The following ATRNL1 variants were observed in gnomAD, a reference collection of about 807,000 sequenced individuals.
The protein encoded by ATRNL1 is attractin like 1.
A neutral mutation model predicts 182.7 loss-of-function variants in ATRNL1; 95 were observed. The observed-to-expected ratio is 0.52, with a 90% CI of 0.44 to 0.62. The LOEUF (loss-of-function observed/expected upper bound fraction) is 0.62. Among genes scored for constraint, ATRNL1 ranks in the 20% least tolerant of loss-of-function variants. The pLI is 0.00. For missense variants in ATRNL1, 1,471 were observed against 1,679.5 expected, an observed-to-expected ratio of 0.88 and a Z score of 2.17; for synonymous variants, 576 against 568.3, an observed-to-expected ratio of 1.01 and a Z score of -0.19.
At chr10:115,296,816 T>C (rs1853217550) in intron 15 of ATRNL1, among the ~76,000 whole-genome samples, 1 of 152,246 alleles carries the variant, frequency 6.6e-6, no homozygotes, top group African/African-American at 2.4e-5. Flanking sequence ...GCAGTAGTTA[T>C]TCATTTGGTA....
At chr10:115,627,181 C>T (rs1555024904) in intron 26 of ATRNL1, among the ~76,000 whole-genome samples, 1 of 152,114 alleles carries the variant, frequency 6.6e-6, no homozygotes, top group African/African-American at 2.4e-5. Flanking sequence ...ACCCACTAAG[C>T]AGTTGCTCCC....
chr10:115,795,784 AC>A (rs1170770306), intron 27 of ATRNL1, among the ~76,000 whole-genome samples: 1 of 152,132 alleles, frequency 6.6e-6, no homozygotes, highest in Non-Finnish European at 1.5e-5. Context: ...GTGCTAAACC[AC>A]TGGAAACCAC....
At chr10:115,286,143 T>C (rs181188233) in intron 14 of ATRNL1, 73 bp from the exon 15 acceptor site, 45 of 692,152 alleles carry the variant, frequency 6.5e-5, no homozygotes, top group Non-Finnish European at 1.1e-4. Context: ...AATACAGAAG[T>C]ACTTTGAAAT....
chr10:115,874,176 C>T (rs1464877399), intron 28 of ATRNL1, among the ~76,000 whole-genome samples: 10 of 152,092 alleles, frequency 6.6e-5, no homozygotes, highest in African/African-American at 1.2e-4. Flanking sequence ...CAGTCAGTGA[C>T]GTCTTCTGCC....
At chr10:115,335,611 A>G (rs1855445877) in intron 19 of ATRNL1, among the ~76,000 whole-genome samples, 1 of 152,216 alleles carries the variant, frequency 6.6e-6, no homozygotes, top group African/African-American at 2.4e-5. Flanking sequence ...CTTGGTATCC[A>G]TGCGGATTAA....
chr10:115,283,516 T>C (rs1332096441), intron 14 of ATRNL1, among the ~76,000 whole-genome samples: 2 of 152,190 alleles, frequency 1.3e-5, no homozygotes, highest in African/African-American at 4.8e-5. Context: ...AACAGTGCGA[T>C]GTGCATGTGT....
chr10:115,303,763 A>G (rs1423741530), intron 17 of ATRNL1, among the ~76,000 whole-genome samples: 3 of 152,148 alleles, frequency 2.0e-5, no homozygotes, highest in Non-Finnish European at 4.4e-5. Flanking sequence ...AGTGAATCTA[A>G]TTAACATGTT....
In ATRNL1 at chr10:115,607,951, T is replaced by G. The variant is rs369332504; in HGVS notation, c.3795+58415T>G. On this transcript the variant is annotated intron_variant, in intron 26 of 28. Transcript: ENST00000355044. ...TTAGAGATGCCATTGTTTATAGATT[T>G]TCAATTACTGTAGTTGATCTAATTT... 5.3e-5 allele frequency among the ~76,000 whole-genome samples: 8 copies of G among 152,058 alleles called. 1 individual carries two copies. Among genetic ancestry groups the G allele is most frequent in the African/African-American group, 1.9e-4 (8 of 41,558 alleles).
intron 26 of ATRNL1, among the ~76,000 whole-genome samples, chr10:115,577,875 T>C (rs1350871565): frequency 6.6e-6 from 1 of 151,698 alleles, no homozygotes; most frequent in Non-Finnish European, 1.5e-5. Flanking sequence ...GATTATGATA[T>C]TGGTTTTGGG....
chr10:115,928,798 A>G (rs534132478), intron 28 of ATRNL1, among the ~76,000 whole-genome samples: 1 of 152,182 alleles, frequency 6.6e-6, no homozygotes, highest in African/African-American at 2.4e-5. Flanking sequence ...TTCTTGGTTC[A>G]TAGGACTTAA....
At chr10:115,230,885 G>C (rs1482748022) in intron 9 of ATRNL1, among the ~76,000 whole-genome samples, 5 of 81,610 alleles carry the variant, frequency 6.1e-5, no homozygotes, top group African/African-American at 1.8e-4. Context: ...GAGAGAGAGA[G>C]AGAGAGAGAG....
intron 25 of ATRNL1, among the ~76,000 whole-genome samples, chr10:115,547,472 C>A (rs1852733570): frequency 2.6e-5 from 4 of 151,840 alleles, no homozygotes; most frequent in Admixed American, 2.6e-4. Context: ...AAGATGCTCT[C>A]ATTTTGACAG....
At chr10:115,836,553 A>G (rs1213292333) in intron 27 of ATRNL1, among the ~76,000 whole-genome samples, 7 of 152,082 alleles carry the variant, frequency 4.6e-5, no homozygotes, top group African/African-American at 1.7e-4. Flanking sequence ...TTGCCTGCAA[A>G]CCTTGGTGCT....
chr10:115,713,382 T>C (rs1947122205), intron 26 of ATRNL1, among the ~76,000 whole-genome samples: 1 of 151,728 alleles, frequency 6.6e-6, no homozygotes, highest in African/African-American at 2.4e-5. Flanking sequence ...GCAAAATATG[T>C]AGCATATTAG....
intron 26 of ATRNL1, among the ~76,000 whole-genome samples, chr10:115,561,690 G>GTGTGT (rs1853734733): frequency 1.2e-3 from 59 of 50,500 alleles, no homozygotes; most frequent in Admixed American, 2.6e-3. Flanking sequence ...TGTGTGTGTG[G>GTGTGT]GTGTGTGTGT....
chr10:115,433,599 C>T (rs988937004), intron 21 of ATRNL1, among the ~76,000 whole-genome samples: 2 of 152,026 alleles, frequency 1.3e-5, no homozygotes, highest in East Asian at 3.9e-4. Context: ...TTTGATTCCT[C>T]AGTATTTTTA....
intron 28 of ATRNL1, among the ~76,000 whole-genome samples, chr10:115,882,882 G>A (rs559000757): frequency 5.3e-4 from 81 of 152,180 alleles, no homozygotes; most frequent in South Asian, 1.2e-3. Flanking sequence ...CCAATGGGCC[G>A]CCAGTTATTT....
intron 27 of ATRNL1, among the ~76,000 whole-genome samples, chr10:115,810,247 A>T (rs1950016897): frequency 6.6e-6 from 1 of 151,906 alleles, no homozygotes; most frequent in African/African-American, 2.4e-5. Context: ...AGTAATTTTT[A>T]TTACTTGCCA....
chr10:115,477,266 C>G (rs1241090537), intron 24 of ATRNL1, among the ~76,000 whole-genome samples: 1 of 151,414 alleles, frequency 6.6e-6, no homozygotes, highest in Admixed American at 6.6e-5. Flanking sequence ...GCATGACTAA[C>G]AAACAGAAGA....
Sources: gnomAD v4.1 joint callset for allele counts (sites outside exome capture counted in the v4.1 genomes callset) on GRCh38, gnomAD v4.1.1 for gene constraint, MANE v1.5 for transcripts, NCBI Gene and HGNC (gene_info 2026-07-23, HGNC 2026-07-21) for gene names.